Variants in PTPRK observed in about 807,000 individuals in gnomAD.
The protein encoded by PTPRK is receptor-type tyrosine-protein phosphatase kappa.
Under a neutral mutation model 178.0 loss-of-function variants are expected in PTPRK, and 75 were observed. The ratio of observed to expected loss-of-function variants is 0.42; its 90% CI spans 0.35 to 0.51. The LOEUF is 0.51. Among genes scored for constraint, PTPRK ranks in the 20% least tolerant of loss-of-function variants. PTPRK has a pLI of 0.02. For synonymous variants in PTPRK, 637 were observed against 620.6 expected (o/e 1.03, Z -0.39); for missense variants, 1,441 against 1,797.8 (o/e 0.80, Z 3.59).
At chr6:128,375,442 A>T (rs528734190) in intron 2 of PTPRK, among the ~76,000 whole-genome samples, 65 of 152,094 alleles carry the variant, frequency 4.3e-4, no homozygotes, top group Middle Eastern at 3.4e-3. Flanking sequence ...AGACCCATTC[A>T]TTATCACGAG....
intron 6 of PTPRK, among the ~76,000 whole-genome samples, chr6:128,215,620 T>C (rs1022369306): frequency 2.0e-5 from 3 of 152,098 alleles, no homozygotes; most frequent in Non-Finnish European, 4.4e-5. Context: ...TGGGAAAACA[T>C]AGATCAATAC....
chr6:128,283,232 G>A (rs1232477645), intron 3 of PTPRK, among the ~76,000 whole-genome samples: 2 of 152,032 alleles, frequency 1.3e-5, no homozygotes, highest in South Asian at 2.1e-4. Context: ...TCCCCCAAGG[G>A]TGCCCCAATC....
At chr6:128,371,180 G>T (rs546062112) in intron 2 of PTPRK, among the ~76,000 whole-genome samples, 2 of 152,196 alleles carry the variant, frequency 1.3e-5, no homozygotes, top group East Asian at 1.9e-4. Context: ...CTTTGTCTTC[G>T]ATTATTTCCC....
chr6:128,221,295 C>T (rs895614798), intron 5 of PTPRK, among the ~76,000 whole-genome samples: 7 of 151,822 alleles, frequency 4.6e-5, no homozygotes, highest in African/African-American at 9.7e-5. Context: ...GAGGCCGAGG[C>T]GGCTGGATCA....
At chr6:128,148,920 T>C (rs1251876427) in intron 7 of PTPRK, among the ~76,000 whole-genome samples, 1 of 152,104 alleles carries the variant, frequency 6.6e-6, no homozygotes, top group Non-Finnish European at 1.5e-5. Flanking sequence ...GATCATATTA[T>C]GCCTTTCCAG....
intron 28 of PTPRK, among the ~76,000 whole-genome samples, chr6:127,973,436 C>T (rs78765881): frequency 0.014 from 2,079 of 152,076 alleles, 51 homozygotes; most frequent in African/African-American, 0.047. Context: ...GAAGTTGTTA[C>T]GAGTAGTGTT....
intron 7 of PTPRK, among the ~76,000 whole-genome samples, chr6:128,176,931 C>A (rs534856781): frequency 6.6e-6 from 1 of 151,744 alleles, no homozygotes; most frequent in South Asian, 2.1e-4. Flanking sequence ...TATGGTTATC[C>A]ATACCCATCT....
At chr6:128,352,074 GT>G (rs1833231120) in intron 2 of PTPRK, among the ~76,000 whole-genome samples, 1 of 151,726 alleles carries the variant, frequency 6.6e-6, no homozygotes, top group Non-Finnish European at 1.5e-5. Flanking sequence ...GGCCAACATG[GT>G]GAAACCTGTC....
intron 3 of PTPRK, among the ~76,000 whole-genome samples, chr6:128,257,413 G>A (rs1359405688): frequency 6.6e-6 from 1 of 152,072 alleles, no homozygotes. Flanking sequence ...GGTCAGTGTG[G>A]TAGCAACAAC....
intron 1 of PTPRK, among the ~76,000 whole-genome samples, chr6:128,482,289 C>T (rs983137684): frequency 1.3e-5 from 2 of 152,164 alleles, no homozygotes; most frequent in Non-Finnish European, 2.9e-5. Flanking sequence ...TTCGGAGTTG[C>T]ATCTCTGTTT....
intron 8 of PTPRK, among the ~76,000 whole-genome samples, chr6:128,086,173 A>G (rs1582935090): frequency 1.3e-5 from 2 of 152,144 alleles, no homozygotes. Context: ...ACTTTTTTTG[A>G]AAGTCCTTTA....
intron 6 of PTPRK, among the ~76,000 whole-genome samples, chr6:128,191,397 C>T (rs906289507): frequency 5.9e-5 from 9 of 151,844 alleles, no homozygotes; most frequent in East Asian, 3.9e-4. Flanking sequence ...CCAGGAGCAC[C>T]GGGGCAGGGC....
intron 1 of PTPRK, among the ~76,000 whole-genome samples, chr6:128,469,070 A>G (rs999566348): frequency 1.3e-5 from 2 of 152,186 alleles, no homozygotes. Context: ...TACTTTTCAC[A>G]TTTGTAGGAA....
intron 3 of PTPRK, among the ~76,000 whole-genome samples, chr6:128,292,485 T>C (rs551342975): frequency 1.4e-4 from 22 of 152,258 alleles, no homozygotes; most frequent in Admixed American, 4.6e-4. Flanking sequence ...TAGAGCATAA[T>C]GTATTTTCCC....
intron 2 of PTPRK, among the ~76,000 whole-genome samples, chr6:128,332,006 C>CA (rs57623582): frequency 0.86 from 131,117 of 151,994 alleles, 57,476 homozygotes; most frequent in East Asian, 1. Context: ...TCAGGCAACA[C>CA]AAAAAAACTA....
intron 2 of PTPRK, among the ~76,000 whole-genome samples, chr6:128,371,749 C>T (rs1287898366): frequency 6.6e-6 from 1 of 152,050 alleles, no homozygotes; most frequent in African/African-American, 2.4e-5. Flanking sequence ...ATGATGCACA[C>T]CTGTAGTTCC....
intron 1 of PTPRK, among the ~76,000 whole-genome samples, chr6:128,466,670 C>A (rs1849883472): frequency 6.6e-6 from 1 of 152,104 alleles, no homozygotes; most frequent in Non-Finnish European, 1.5e-5. Context: ...TATGAGTACT[C>A]ATTTTACAAT....
At chr6:128,434,319 T>C (rs759731451) in intron 1 of PTPRK, among the ~76,000 whole-genome samples, 1 of 152,198 alleles carries the variant, frequency 6.6e-6, no homozygotes, top group South Asian at 2.1e-4. Context: ...AGAAGGCATA[T>C]GGAACTTTCC....
intron 3 of PTPRK, among the ~76,000 whole-genome samples, chr6:128,250,209 C>T (rs550803098): frequency 8.5e-5 from 13 of 152,202 alleles, no homozygotes; most frequent in South Asian, 4.1e-4. Context: ...TTATCAGCAG[C>T]GTGAAAATGA....
Sources: allele counts gnomAD v4.1 joint callset (sites outside exome capture counted in the v4.1 genomes callset), GRCh38; gene constraint gnomAD v4.1.1; transcripts MANE v1.5; gene names NCBI Gene and HGNC (gene_info 2026-07-23, HGNC 2026-07-21).